The following CCPG1 variants were observed in gnomAD, a reference collection of about 807,000 sequenced individuals.
CCPG1 encodes the protein cell cycle progression protein 1.
A neutral mutation model predicts 81.3 loss-of-function variants in CCPG1; 46 were observed. That is an observed-to-expected ratio of 0.57 (90% CI 0.45 to 0.72). The LOEUF (loss-of-function observed/expected upper bound fraction) is 0.72. Among genes scored for constraint, CCPG1 ranks in the 30% least tolerant of loss-of-function variants. CCPG1 has a pLI of 0.00. For missense variants in CCPG1, 902 were observed against 937.6 expected (o/e 0.96, Z 0.50); for synonymous variants, 330 against 305.2 (o/e 1.08, Z -0.85).
chr15:55,377,964 A>G (rs1256744774), intron 4 of CCPG1, among the ~76,000 whole-genome samples: 1 of 152,224 alleles, frequency 6.6e-6, no homozygotes, highest in Admixed American at 6.5e-5. Context: ...TTTTATACAG[A>G]AGTCAAGTAA....
intron 1 of CCPG1, among the ~76,000 whole-genome samples, chr15:55,397,743 G>A (rs551289952): frequency 6.6e-6 from 1 of 152,182 alleles, no homozygotes; most frequent in African/African-American, 2.4e-5. Context: ...TTGGGAGGCC[G>A]AGGTGGGCAG....
chr15:55,364,719 A>G (rs1403073780), intron 7 of CCPG1, among the ~76,000 whole-genome samples: 1 of 150,572 alleles, frequency 6.6e-6, no homozygotes, highest in African/African-American at 2.4e-5. Flanking sequence ...AAAAATACAA[A>G]AAAATTTGCC....
At chr15:55,405,866 T>C (rs1228180747) in intron 1 of CCPG1, among the ~76,000 whole-genome samples, 1 of 152,230 alleles carries the variant, frequency 6.6e-6, no homozygotes, top group African/African-American at 2.4e-5. Flanking sequence ...TTTACTGTTG[T>C]TGCTTATTTG....
In CCPG1 at chr15:55,371,950, C is replaced by A. The variant is rs1595833845; in HGVS notation, c.549G>T (p.Lys183Asn). The change falls in exon 6 of 9, where the codon AAG (lysine) becomes AAT (asparagine). Residue 183 changes from lysine to asparagine, a missense_variant. Coordinates refer to ENST00000442196, the MANE Select transcript of CCPG1 (RefSeq NM_001204450.2). ...CTTCAGATTCTGAAGCAGAAACGGT[C>A]TTCTTCCTAGCACGGCGTCGTCTAA... The part of the protein sequence containing the change: ...PAFRRRRARK[K>N]TVSASESEDR... 4 of 1,614,196 alleles carry A rather than the reference C, an allele frequency of 2.5e-6. No homozygotes were observed. The highest frequency in any genetic ancestry group is 3.4e-6 in the Non-Finnish European group (4 of 1,180,024).
At chr15:55,383,083 G>C (rs2056733119) in intron 3 of CCPG1, among the ~76,000 whole-genome samples, 1 of 152,126 alleles carries the variant, frequency 6.6e-6, no homozygotes, top group Admixed American at 6.5e-5. Flanking sequence ...CTTACAAAAT[G>C]TATTTATTAA....
intron 4 of CCPG1, 37 bp from the exon 5 acceptor site, chr15:55,377,187 A>T (rs2056584270): frequency 4.1e-6 from 6 of 1,451,768 alleles, no homozygotes; most frequent in Non-Finnish European, 5.8e-6. Flanking sequence ...TAAGTTCAAC[A>T]ATCATTTAAG....
At chr15:55,375,261 G>A (rs1374831935) in intron 5 of CCPG1, among the ~76,000 whole-genome samples, 3 of 151,330 alleles carry the variant, frequency 2.0e-5, no homozygotes, top group South Asian at 4.2e-4. Context: ...GAGCCACCAC[G>A]CCCAGCAACA....
At chr15:55,389,091 A>G (rs1250704899) in intron 2 of CCPG1, among the ~76,000 whole-genome samples, 1 of 150,122 alleles carries the variant, frequency 6.7e-6, no homozygotes, top group Non-Finnish European at 1.5e-5. Flanking sequence ...AAAAAAAAAG[A>G]CAAAATTATA....
At chr15:55,385,148 A>G (rs2056774506) in intron 3 of CCPG1, among the ~76,000 whole-genome samples, 1 of 152,150 alleles carries the variant, frequency 6.6e-6, no homozygotes, top group Non-Finnish European at 1.5e-5. Flanking sequence ...GGCCTTCACC[A>G]AATCCACACT....
chr15:55,376,838 T>C lies in CCPG1; in HGVS notation c.454+111A>G, dbSNP rs74607614. 8.6e-4 allele frequency: 656 copies of C among 760,894 alleles called. 4 individuals carry two copies. In the African/African-American group the frequency reaches 0.01, roughly 12 times the overall value. 47.1% of individuals were successfully genotyped at this position (760,894 alleles called of 1,614,324 possible). On this transcript the variant is annotated intron_variant, in intron 5 of 8. Coordinates refer to ENST00000442196, the MANE Select transcript of CCPG1 (RefSeq NM_001204450.2). ...ACACAAAAATAGTCTTGTCTTGAGT[T>C]TTACCCAAACATATTCAAAACTAGA...
chr15:55,378,825 G>C (rs2056619118), intron 3 of CCPG1, among the ~76,000 whole-genome samples: 2 of 152,132 alleles, frequency 1.3e-5, no homozygotes, highest in South Asian at 2.1e-4. Context: ...TCGAACTCCT[G>C]ACTTCAAGCG....
In CCPG1 at chr15:55,359,581, CTA is replaced by C. The variant is rs775725329; in HGVS notation, c.2190_2191del (p.Tyr730Ter). On this transcript the variant is annotated stop_gained and frameshift_variant, in exon 8 of 9. Transcript: ENST00000442196. LOFTEE classifies it high-confidence loss of function. ...GGAAAAAGTGTGACCAAAGAAGTGT[CTA>C]TATATATATTCATCCAACTTCTCAA... 13 of 1,611,048 alleles carry C rather than the reference CTA, an allele frequency of 8.1e-6. No individual in the cohort carries two copies. Among genetic ancestry groups the C allele is most frequent in the Non-Finnish European group, 9.3e-6 (11 of 1,178,670 alleles).
At chr15:55,359,380 T>C (rs1367223021) in intron 8 of CCPG1, 159 bp downstream of exon 8, 8 of 1,402,484 alleles carry the variant, frequency 5.7e-6, no homozygotes, top group Middle Eastern at 5.4e-4. Context: ...TAATAATTTT[T>C]AGACTCCATC....
At chr15:55,380,111 A>G (rs28523280) in intron 3 of CCPG1, among the ~76,000 whole-genome samples, 7 of 151,524 alleles carry the variant, frequency 4.6e-5, no homozygotes, top group South Asian at 2.1e-4. Context: ...AAAAAAAAAA[A>G]AAAAGAAAAG....
intron 6 of CCPG1, among the ~76,000 whole-genome samples, chr15:55,366,727 G>A (rs1275400019): frequency 3.3e-5 from 5 of 152,076 alleles, no homozygotes; most frequent in Non-Finnish European, 7.4e-5. Context: ...AGCCAAGATC[G>A]CGCCACTGCA....
intron 1 of CCPG1, among the ~76,000 whole-genome samples, chr15:55,398,941 C>T (rs1190823469): frequency 6.6e-6 from 1 of 152,092 alleles, no homozygotes; most frequent in African/African-American, 2.4e-5. Context: ...TTAAATGAGC[C>T]TATCCTCATC....
At chr15:55,394,248 A>T (rs186462770) in intron 1 of CCPG1, among the ~76,000 whole-genome samples, 2 of 152,296 alleles carry the variant, frequency 1.3e-5, no homozygotes, top group Admixed American at 1.3e-4. Flanking sequence ...GGCCTCCCAA[A>T]GTGCTGGGAT....
intron 6 of CCPG1, 110 bp from the exon 7 acceptor site, chr15:55,365,419 GTT>G (rs111247245): frequency 0.29 from 138,685 of 477,042 alleles, 14,049 homozygotes; most frequent in Non-Finnish European, 0.34. Flanking sequence ...TCTTTTTTTT[GTT>G]TTTTTTTTTT....
intron 7 of CCPG1, 87 bp downstream of exon 7, chr15:55,365,101 T>A (rs1284370800): frequency 2.2e-5 from 16 of 741,662 alleles, no homozygotes; most frequent in Non-Finnish European, 3.2e-5. Context: ...ACTGATTTAC[T>A]AATCTGCACT....
Sources: allele counts gnomAD v4.1 joint callset (sites outside exome capture counted in the v4.1 genomes callset), GRCh38; gene constraint gnomAD v4.1.1; transcripts MANE v1.5; gene names NCBI Gene and HGNC (gene_info 2026-07-23, HGNC 2026-07-21).